Variants in RNF169 observed in about 807,000 individuals in gnomAD.
RNF169 encodes the protein E3 ubiquitin-protein ligase RNF169.
In RNF169, 24 loss-of-function variants were observed where a neutral mutation model predicts 53.9. That is an observed-to-expected ratio of 0.45 (90% CI 0.32 to 0.63). The LOEUF (loss-of-function observed/expected upper bound fraction) is 0.63, where lower values mean the gene tolerates loss of function less well. RNF169 is among the 20% of genes least tolerant of loss of function. The probability of loss-of-function intolerance (pLI) is 0.04; values close to 1 mark genes in which losing one functional copy is unlikely to be tolerated. For synonymous variants in RNF169, 396 were observed against 363.5 expected, an observed-to-expected ratio of 1.09 and a Z score of -1.02; for missense variants, 883 against 906.2, an observed-to-expected ratio of 0.97 and a Z score of 0.33.
intron 4 of RNF169, chr11:74,832,367 A>G (rs1423557060): frequency 6.6e-6 from 1 of 151,876 alleles, no homozygotes; most frequent in Admixed American, 6.6e-5. Context: ...TCTTTTGCCA[A>G]AATGGAGTTT....
chr11:74,838,772 T>G lies in RNF169; in HGVS notation c.*2042T>G, dbSNP rs991949253. On this transcript the variant is annotated 3_prime_UTR_variant, in exon 6 of 6. Coordinates refer to ENST00000299563, the MANE Select transcript of RNF169 (RefSeq NM_001098638.2). ...TTGTGCCCAAAACAGAAGAGCTGGC[T>G]CTGGTTTACAGAAGACAGGGAGGGT... 3 of 152,204 alleles carry G rather than the reference T, an allele frequency of 2.0e-5. No individual in the cohort carries two copies. The highest frequency in any genetic ancestry group is 2.9e-5 in the Non-Finnish European group (2 of 68,040). The allele number at this position is 152,204 out of a possible 1,614,324, so 9.4% of individuals were successfully genotyped here.
Position 74,840,998 on chromosome 11 carries a change from G to A in RNF169, c.*4268G>A, listed in dbSNP as rs2036449715. ...TTTTTTCAGTTAGTTAGAGTTAAAT[G>A]TACCTATAGCCCCTGAATACATGCT... On this transcript the variant is annotated 3_prime_UTR_variant, in exon 6 of 6. Transcript: ENST00000299563. The A allele has an allele frequency of 6.6e-6, 1 of 152,038 alleles. No individual in the cohort carries two copies. The highest frequency in any genetic ancestry group is 1.5e-5 in the Non-Finnish European group (1 of 68,014). 9.4% of individuals were successfully genotyped at this position (152,038 alleles called of 1,614,324 possible). A position where few individuals can be genotyped will look rare whatever the true frequency, so the allele number is the denominator to read the frequency against.
intron 1 of RNF169, among the ~76,000 whole-genome samples, chr11:74,779,348 A>G (rs1022121813): frequency 2.0e-5 from 3 of 152,178 alleles, no homozygotes; most frequent in African/African-American, 2.4e-5. Context: ...GGTGTAAATT[A>G]TGGAACCTAA....
chr11:74,825,336 C>G (rs948018953), intron 4 of RNF169, among the ~76,000 whole-genome samples: 1 of 152,094 alleles, frequency 6.6e-6, no homozygotes, highest in Non-Finnish European at 1.5e-5. Context: ...TGAAACAACA[C>G]GTTCTTTAAA....
chr11:74,787,212 A>G (rs2035515623), intron 1 of RNF169, among the ~76,000 whole-genome samples: 1 of 152,232 alleles, frequency 6.6e-6, no homozygotes, highest in African/African-American at 2.4e-5. Flanking sequence ...TTTGATTAAT[A>G]TAACTACATA....
intron 1 of RNF169, among the ~76,000 whole-genome samples, chr11:74,760,186 T>C (rs1250237056): frequency 6.6e-6 from 1 of 151,458 alleles, no homozygotes; most frequent in South Asian, 2.1e-4. Context: ...TTGTGTCTAT[T>C]TGATTCTTCT....
chr11:74,748,953 C>T lies in RNF169; in HGVS notation c.73C>T (p.Arg25Trp), dbSNP rs1278449017. ...AAAALSRRGR[R>W]GRCDETAAAK... ...AGCCGCTCTGAGTCGGCGGGGCCGG[C>T]GGGGCCGCTGTGACGAGACGGCGGC... The change falls in exon 1 of 6, where the codon CGG becomes TGG. Residue 25 changes from arginine (R) to tryptophan (W), a missense_variant. Arg to Trp is a moderately radical substitution (Grantham distance 101). Coordinates refer to ENST00000299563, the MANE Select transcript of RNF169 (RefSeq NM_001098638.2). The T allele has an allele frequency of 6.8e-6, 10 of 1,465,864 alleles. No individual in the cohort carries two copies. Among genetic ancestry groups the T allele is most frequent in the Admixed American group, 2.2e-5 (1 of 45,482 alleles). 90.8% of individuals were successfully genotyped at this position (1,465,864 alleles called of 1,614,324 possible).
intron 2 of RNF169, among the ~76,000 whole-genome samples, chr11:74,790,789 C>T (rs112149663): frequency 1.3e-5 from 2 of 152,184 alleles, no homozygotes; most frequent in Admixed American, 6.5e-5. Context: ...CACTGGGGAA[C>T]GTGGTAGTGA....
At chr11:74,794,620 G>A (rs1302256662) in intron 2 of RNF169, among the ~76,000 whole-genome samples, 1 of 152,172 alleles carries the variant, frequency 6.6e-6, no homozygotes, top group Non-Finnish European at 1.5e-5. Context: ...AGAAAAAGAT[G>A]TATTTAAGGA....
At chr11:74,802,244 AC>A (rs2035741103) in intron 2 of RNF169, among the ~76,000 whole-genome samples, 1 of 152,236 alleles carries the variant, frequency 6.6e-6, no homozygotes, top group African/African-American at 2.4e-5. Context: ...GTTACCTTTT[AC>A]AGTGGAATTG....
At chr11:74,824,113 T>C (rs900566738) in intron 4 of RNF169, among the ~76,000 whole-genome samples, 1 of 152,118 alleles carries the variant, frequency 6.6e-6, no homozygotes, top group Non-Finnish European at 1.5e-5. Context: ...CTTTAAATCA[T>C]ATCCTCAAGA....
At position 74,749,162 on chromosome 11, in the gene RNF169, C is replaced by A. The variant is rs754090249; in HGVS notation, c.282C>A (p.Arg94=). The change falls in exon 1 of 6, where the codon CGC becomes CGA. Residue 94 remains arginine, a synonymous_variant. Transcript: ENST00000299563. ...GHSLCRGCAQ[R]AADAAGPGCP... ...CGCTTTGCCGAGGCTGCGCCCAACG[C>A]GCCGCCGACGCGGCGGGCCCGGGTT... is the stretch of plus-strand genomic sequence containing the variant. 4.8e-6 allele frequency: 6 copies of A among 1,247,026 alleles called. No homozygotes were observed. The South Asian group carries it at 1.6e-4, about 33-fold the overall frequency. 77.2% of individuals were successfully genotyped at this position (1,247,026 alleles called of 1,614,324 possible).
chr11:74,835,637 T>C lies in RNF169; in HGVS notation c.1034T>C (p.Ile345Thr), dbSNP rs79540209. 3,803 of 1,614,128 alleles carry C rather than the reference T, an allele frequency of 2.4e-3. 86 individuals carry two copies. In the African/African-American group the frequency reaches 0.045, roughly 19 times the overall value. The change falls in exon 6 of 6, where the codon ATC becomes ACC. Residue 345 changes from isoleucine (I) to threonine (T), a missense_variant. Physicochemically the swap from Ile to Thr is moderately conservative, Grantham distance 89 (BLOSUM62 -1). Coordinates refer to ENST00000299563, the MANE Select transcript of RNF169 (RefSeq NM_001098638.2). ...TGCGTCTCGGCCCCTGACTTAACCA[T>C]CGAAAAGCGTCTACCCTTCAGCTCC... ...NRCVSAPDLT[I>T]EKRLPFSSLS...
intron 1 of RNF169, among the ~76,000 whole-genome samples, chr11:74,767,467 G>A (rs191470901): frequency 5.3e-5 from 8 of 152,166 alleles, no homozygotes; most frequent in East Asian, 3.9e-4. Flanking sequence ...GTTCGGTGGC[G>A]TGATTTTGGC....
At chr11:74,750,665 T>C (rs2034874816) in intron 1 of RNF169, among the ~76,000 whole-genome samples, 1 of 131,680 alleles carries the variant, frequency 7.6e-6, no homozygotes, top group Admixed American at 8.7e-5. Context: ...TGGTGCGATC[T>C]CCACTCACTG....
chr11:74,772,938 T>C (rs2035281684), intron 1 of RNF169, among the ~76,000 whole-genome samples: 1 of 152,342 alleles, frequency 6.6e-6, no homozygotes, highest in African/African-American at 2.4e-5. Context: ...TAGTCCATAG[T>C]ATGTCATCAA....
At position 74,828,593 on chromosome 11, in the gene RNF169, C is replaced by G. The variant is rs144302531; in HGVS notation, c.843-6083C>G. ...AGACATCACACTACCTGACTTCAAA[C>G]TATACTACAATGCTACTTGTAACCA... On this transcript the variant is annotated intron_variant, in intron 4 of 5. Coordinates refer to ENST00000299563, the MANE Select transcript of RNF169 (RefSeq NM_001098638.2). 5.5e-4 allele frequency among the ~76,000 whole-genome samples: 84 copies of G among 152,304 alleles called. 2 individuals carry two copies. The East Asian group carries it at 0.015, about 27-fold the overall frequency.
intron 4 of RNF169, among the ~76,000 whole-genome samples, chr11:74,821,058 AC>A (rs2036003235): frequency 6.6e-6 from 1 of 152,200 alleles, no homozygotes; most frequent in Non-Finnish European, 1.5e-5. Flanking sequence ...AGGAATTGGA[AC>A]CCAGTTCTCT....
At chr11:74,832,683 T>G (rs1038127690) in intron 4 of RNF169, among the ~76,000 whole-genome samples, 1 of 152,174 alleles carries the variant, frequency 6.6e-6, no homozygotes, top group African/African-American at 2.4e-5. Context: ...AATCTTTTCC[T>G]CTTGGTGTCT....
Sources: gnomAD v4.1 joint callset for allele counts (sites outside exome capture counted in the v4.1 genomes callset) on GRCh38, gnomAD v4.1.1 for gene constraint, MANE v1.5 for transcripts, NCBI Gene and HGNC (gene_info 2026-07-23, HGNC 2026-07-21) for gene names.